The following YES1 variants were observed in gnomAD, a reference collection of about 807,000 sequenced individuals.
YES1 encodes the protein YES proto-oncogene 1, Src family tyrosine kinase.
In YES1, 39 loss-of-function variants were observed where a neutral mutation model predicts 70.4. The observed-to-expected ratio is 0.55, with a 90% CI of 0.43 to 0.72. The LOEUF (loss-of-function observed/expected upper bound fraction) is 0.72, where lower values mean the gene tolerates loss of function less well. Ranked by LOEUF, YES1 falls within the 30% of genes least tolerant of loss-of-function variation. The probability of loss-of-function intolerance (pLI) is 0.00; values close to 1 mark genes in which losing one functional copy is unlikely to be tolerated. For synonymous variants in YES1, 198 were observed against 218.6 expected, an observed-to-expected ratio of 0.91 and a Z score of 0.83; for missense variants, 495 against 644.8, an observed-to-expected ratio of 0.77 and a Z score of 2.52.
In YES1 at chr18:723,172, C is replaced by T. The variant is rs1291248622; in HGVS notation, c.*1252G>A. The T allele has an allele frequency of 2.0e-5, 3 of 152,178 alleles. No homozygotes were observed. The highest frequency in any genetic ancestry group is 4.4e-5 in the Non-Finnish European group (3 of 68,008). 9.4% of individuals were successfully genotyped at this position (152,178 alleles called of 1,614,324 possible). A position where few individuals can be genotyped will look rare whatever the true frequency, so the allele number is the denominator to read the frequency against. Reference sequence around the variant, plus strand: ...GTTCTAAAAATGTTTTACATAAAAACCATATCCCACTGCAATGAATGTGAA... The same window carrying T: ...GTTCTAAAAATGTTTTACATAAAAATCATATCCCACTGCAATGAATGTGAA... On this transcript the variant is annotated 3_prime_UTR_variant, in exon 12 of 12. Transcript: ENST00000314574.
intron 1 of YES1, among the ~76,000 whole-genome samples, chr18:760,707 CT>C (rs1904547174): frequency 6.6e-6 from 1 of 152,014 alleles, no homozygotes; most frequent in African/African-American, 2.4e-5. Flanking sequence ...AAGGCAGTTG[CT>C]TCTAAAAGTA....
At chr18:804,194 T>C (rs1239951232) in intron 1 of YES1, among the ~76,000 whole-genome samples, 1 of 152,252 alleles carries the variant, frequency 6.6e-6, no homozygotes, top group Non-Finnish European at 1.5e-5. Context: ...TTGATGATAG[T>C]GGCTATTTTT....
intron 11 of YES1, among the ~76,000 whole-genome samples, chr18:726,180 C>T (rs1484581996): frequency 6.6e-6 from 1 of 152,172 alleles, no homozygotes; most frequent in Non-Finnish European, 1.5e-5. Context: ...AATCCCAGCA[C>T]TTTGGGAGGC....
At chr18:763,867 A>G (rs565481196) in intron 1 of YES1, among the ~76,000 whole-genome samples, 43 of 152,242 alleles carry the variant, frequency 2.8e-4, no homozygotes, top group African/African-American at 9.9e-4. Flanking sequence ...CACATCTGTA[A>G]TCCCAGCACT....
At chr18:730,492 G>C (rs1464450774) in intron 11 of YES1, among the ~76,000 whole-genome samples, 2 of 151,914 alleles carry the variant, frequency 1.3e-5, no homozygotes, top group South Asian at 4.1e-4. Context: ...TTATAGGAGT[G>C]AGTCACCACG....
intron 2 of YES1, among the ~76,000 whole-genome samples, chr18:755,266 GGAGAC>G (rs2080391238): frequency 8.4e-6 from 1 of 118,536 alleles, no homozygotes; most frequent in Non-Finnish European, 1.8e-5. Flanking sequence ...TTTTTTTTTT[GGAGAC>G]AGAGTCTCGC....
chr18:805,090 T>A (rs1907033742), intron 1 of YES1, among the ~76,000 whole-genome samples: 1 of 152,294 alleles, frequency 6.6e-6, no homozygotes, highest in African/African-American at 2.4e-5. Context: ...CTTAAAATTT[T>A]ATCAATACGG....
chr18:764,276 A>G (rs925183000), intron 1 of YES1, among the ~76,000 whole-genome samples: 43 of 152,316 alleles, frequency 2.8e-4, no homozygotes, highest in African/African-American at 8.7e-4. Context: ...AGGCTAGAGC[A>G]CAATGGTACA....
intron 1 of YES1, among the ~76,000 whole-genome samples, chr18:774,109 G>A (rs906992211): frequency 1.3e-5 from 2 of 152,176 alleles, no homozygotes; most frequent in Non-Finnish European, 2.9e-5. Flanking sequence ...GGGATTACGG[G>A]CTTAAGCCAC....
intron 1 of YES1, among the ~76,000 whole-genome samples, chr18:771,092 TG>T (rs1211246125): frequency 3.3e-5 from 5 of 152,138 alleles, no homozygotes; most frequent in Non-Finnish European, 5.9e-5. Context: ...TGGCTGGGCA[TG>T]GTGGCTCATG....
At chr18:803,394 G>A (rs1906924213) in intron 1 of YES1, among the ~76,000 whole-genome samples, 1 of 152,178 alleles carries the variant, frequency 6.6e-6, no homozygotes, top group South Asian at 2.1e-4. Flanking sequence ...GCCAAAGTGA[G>A]GTGAATGGGT....
chr18:746,829 A>G (rs969743906), intron 4 of YES1, among the ~76,000 whole-genome samples: 15 of 152,208 alleles, frequency 9.9e-5, no homozygotes, highest in African/African-American at 2.7e-4. Flanking sequence ...TACACCCTAC[A>G]ATAAACCCTA....
intron 1 of YES1, among the ~76,000 whole-genome samples, chr18:794,075 T>A (rs898874601): frequency 6.6e-6 from 1 of 152,228 alleles, no homozygotes; most frequent in African/African-American, 2.4e-5. Flanking sequence ...AAGCAAAAAC[T>A]ATTACCTTAT....
intron 1 of YES1, among the ~76,000 whole-genome samples, chr18:766,892 A>C (rs1904936447): frequency 6.6e-6 from 1 of 152,190 alleles, no homozygotes; most frequent in South Asian, 2.1e-4. Flanking sequence ...TGTTTATACT[A>C]AACTGTGATA....
chr18:767,368 C>G (rs1022709030), intron 1 of YES1, among the ~76,000 whole-genome samples: 9 of 152,124 alleles, frequency 5.9e-5, no homozygotes, highest in Non-Finnish European at 1.3e-4. Context: ...CCAGGCTGTT[C>G]TGGAACTCGT....
At chr18:783,049 T>G (rs2145800612) in intron 1 of YES1, among the ~76,000 whole-genome samples, 1 of 152,270 alleles carries the variant, frequency 6.6e-6, no homozygotes, top group South Asian at 2.1e-4. Context: ...CTTTTTTTTT[T>G]TTAAGAAAAG....
chr18:742,773 A>G, intron 8 of YES1, 145 bp downstream of exon 8: 1 of 561,186 alleles, frequency 1.8e-6, no homozygotes, highest in Non-Finnish European at 2.8e-6. Context: ...TCACTATTCC[A>G]TTAAACAAAG....
intron 1 of YES1, among the ~76,000 whole-genome samples, chr18:764,894 G>A (rs961069687): frequency 6.6e-5 from 10 of 151,422 alleles, no homozygotes; most frequent in South Asian, 2.1e-4. Flanking sequence ...CACCACACCC[G>A]GCTAATTTTT....
At chr18:732,650 C>CTTACCCGTCCAATGCCACAG (rs1430433958) in intron 11 of YES1, among the ~76,000 whole-genome samples, 184 bp downstream of exon 11, 4 of 152,148 alleles carry the variant, frequency 2.6e-5, no homozygotes, top group Admixed American at 1.3e-4. Flanking sequence ...CTTTCACTGA[C>CTTACCCGTCCAATGCCACAG]TTACCCGTCC....
Sources: allele counts gnomAD v4.1 joint callset (sites outside exome capture counted in the v4.1 genomes callset), GRCh38; gene constraint gnomAD v4.1.1; transcripts MANE v1.5; gene names NCBI Gene and HGNC (gene_info 2026-07-23, HGNC 2026-07-21).